The following PCGF5 variants were observed in gnomAD, a reference collection of about 807,000 sequenced individuals.
PCGF5 encodes the protein polycomb group RING finger protein 5.
PCGF5 carries 9 observed loss-of-function variants against 44.3 expected under a neutral mutation model. The ratio of observed to expected loss-of-function variants is 0.20; its 90% confidence interval spans 0.12 to 0.35. The LOEUF is 0.35. Ranked by LOEUF, PCGF5 falls within the 10% of genes least tolerant of loss-of-function variation. The probability of loss-of-function intolerance (pLI) is 1.00; values close to 1 mark genes in which losing one functional copy is unlikely to be tolerated. For synonymous variants in PCGF5, 95 were observed against 102.5 expected, an observed-to-expected ratio of 0.93 and a Z score of 0.44; for missense variants, 146 against 305.3, an observed-to-expected ratio of 0.48 and a Z score of 3.89.
chr10:91,251,231 T>C, intron 5 of PCGF5, 61 bp from the exon 6 acceptor site: 2 of 1,395,344 alleles, frequency 1.4e-6, no homozygotes, highest in Non-Finnish European at 2.0e-6. Flanking sequence ...CAATGTATGA[T>C]TGCTTAACTT....
intron 1 of PCGF5, among the ~76,000 whole-genome samples, chr10:91,168,173 G>A (rs1162011421): frequency 6.6e-6 from 1 of 152,142 alleles, no homozygotes; most frequent in Non-Finnish European, 1.5e-5. Flanking sequence ...TTATGGAGGG[G>A]GATGGTGAAC....
At chr10:91,235,300 A>G (rs948468783) in intron 2 of PCGF5, among the ~76,000 whole-genome samples, 1 of 152,186 alleles carries the variant, frequency 6.6e-6, no homozygotes, top group Non-Finnish European at 1.5e-5. Flanking sequence ...GCTTTAGATG[A>G]TGCAGTGGCC....
At chr10:91,278,138 T>G in intron 9 of PCGF5, 131 bp from the exon 10 acceptor site, 1 of 726,530 alleles carries the variant, frequency 1.4e-6, no homozygotes, top group Middle Eastern at 3.5e-4. Context: ...AACTCAAATT[T>G]TAACTGTTGT....
intron 1 of PCGF5, among the ~76,000 whole-genome samples, chr10:91,165,806 A>G (rs192959705): frequency 1.3e-5 from 2 of 152,352 alleles, no homozygotes; most frequent in East Asian, 1.9e-4. Flanking sequence ...GTCATATTTA[A>G]TAATATCCCT....
intron 1 of PCGF5, among the ~76,000 whole-genome samples, chr10:91,212,790 AT>A (rs370486467): frequency 2.9e-4 from 44 of 152,258 alleles, no homozygotes; most frequent in African/African-American, 1.0e-3. Flanking sequence ...TAATCTTAAG[AT>A]TTTTTTCTTA....
intron 1 of PCGF5, among the ~76,000 whole-genome samples, chr10:91,207,957 T>C (rs539688614): frequency 6.6e-5 from 10 of 152,202 alleles, no homozygotes; most frequent in Non-Finnish European, 8.8e-5. Flanking sequence ...GATTGCTCCA[T>C]TGTAGGGGTA....
At chr10:91,184,704 G>A (rs1589356736) in intron 1 of PCGF5, among the ~76,000 whole-genome samples, 1 of 151,458 alleles carries the variant, frequency 6.6e-6, no homozygotes, top group East Asian at 1.9e-4. Flanking sequence ...TCTACCTTCA[G>A]TATTTGAGGT....
intron 8 of PCGF5, 150 bp from the exon 9 acceptor site, chr10:91,271,488 C>CAAAAACA: frequency 1.7e-6 from 1 of 573,582 alleles, no homozygotes; most frequent in Non-Finnish European, 2.9e-6. Flanking sequence ...ATCTTTTTTT[C>CAAAAACA]AAAAACAACC....
At chr10:91,209,035 T>A (rs767325926) in intron 1 of PCGF5, among the ~76,000 whole-genome samples, 2 of 152,214 alleles carry the variant, frequency 1.3e-5, no homozygotes, top group African/African-American at 2.4e-5. Context: ...ATAGGCAGAT[T>A]GTTGTTGGCA....
chr10:91,222,244 C>T (rs1346347260), intron 1 of PCGF5, among the ~76,000 whole-genome samples: 2 of 152,026 alleles, frequency 1.3e-5, no homozygotes, highest in Non-Finnish European at 2.9e-5. Flanking sequence ...GTAGAGCAGC[C>T]GGGCATGGAA....
chr10:91,162,953 C>G (rs930248919), upstream of PCGF5: 1 of 145,254 alleles, frequency 6.9e-6, no homozygotes, highest in Non-Finnish European at 1.5e-5. Flanking sequence ...CGCCCCGCGC[C>G]GCTCGCACCC....
upstream of PCGF5, among the ~76,000 whole-genome samples, chr10:91,216,600 C>T (rs549866015): frequency 6.6e-6 from 1 of 152,274 alleles, no homozygotes; most frequent in African/African-American, 2.4e-5. Flanking sequence ...CAGAAAAGAG[C>T]TGTAGGAAGA....
chr10:91,275,665 G>A (rs1846295132), intron 9 of PCGF5, among the ~76,000 whole-genome samples: 1 of 148,886 alleles, frequency 6.7e-6, no homozygotes, highest in African/African-American at 2.5e-5. Flanking sequence ...GTGTTGGCCA[G>A]GATGTTCTTG....
Position 91,284,259 on chromosome 10 carries a change from AATTT to A in PCGF5, c.*5947_*5950del, listed in dbSNP as rs1014853891. On this transcript the variant is annotated 3_prime_UTR_variant, in exon 10 of 10. Transcript: ENST00000336126. ...TTTGTTATTAAAAATTAAATTGCATAATTTATTATTGTTTGTCATCTTTAATATT... is the reference window on the plus strand; with the variant it reads ...TTTGTTATTAAAAATTAAATTGCATAATTATTGTTTGTCATCTTTAATATT... 23 of 152,448 alleles carry A rather than the reference AATTT, an allele frequency of 1.5e-4. No homozygotes were observed. Among genetic ancestry groups the A allele is most frequent in the African/African-American group, 5.6e-4 (23 of 41,370 alleles). 9.4% of individuals were successfully genotyped at this position (152,448 alleles called of 1,614,324 possible). A position where few individuals can be genotyped will look rare whatever the true frequency, so the allele number is the denominator to read the frequency against.
At chr10:91,203,692 A>G (rs1844293594) in intron 1 of PCGF5, among the ~76,000 whole-genome samples, 2 of 152,164 alleles carry the variant, frequency 1.3e-5, no homozygotes, top group South Asian at 4.1e-4. Flanking sequence ...CCAATTACCT[A>G]TATTAATGGA....
At chr10:91,241,224 G>A (rs34663905) in intron 3 of PCGF5, among the ~76,000 whole-genome samples, 12,554 of 151,642 alleles carry the variant, frequency 0.083, 719 homozygotes, top group African/African-American at 0.16. Flanking sequence ...ACAGGCATGC[G>A]CCACCACATT....
intron 1 of PCGF5, among the ~76,000 whole-genome samples, chr10:91,210,358 T>A (rs909177764): frequency 4.6e-5 from 7 of 152,188 alleles, no homozygotes; most frequent in African/African-American, 1.4e-4. Context: ...TATAGAAGGG[T>A]GTTTAACGTA....
intron 1 of PCGF5, among the ~76,000 whole-genome samples, chr10:91,166,754 T>C (rs1410070628): frequency 3.3e-5 from 5 of 152,188 alleles, no homozygotes; most frequent in African/African-American, 1.2e-4. Flanking sequence ...CCACAGCAAG[T>C]TACTTAACTT....
intron 1 of PCGF5, among the ~76,000 whole-genome samples, chr10:91,213,447 T>A (rs1353630764): frequency 6.6e-6 from 1 of 150,728 alleles, no homozygotes; most frequent in African/African-American, 2.5e-5. Flanking sequence ...TTCATTAACT[T>A]CATTATTTTA....
Sources: allele counts gnomAD v4.1 joint callset (sites outside exome capture counted in the v4.1 genomes callset), GRCh38; gene constraint gnomAD v4.1.1; transcripts MANE v1.5; gene names NCBI Gene and HGNC (gene_info 2026-07-23, HGNC 2026-07-21).